The following FAM187A variants were observed in gnomAD, a reference collection of about 807,000 sequenced individuals.
FAM187A encodes family with sequence similarity 187 member A.
A neutral mutation model predicts 6.4 loss-of-function variants in FAM187A; 4 were observed. That is an observed-to-expected ratio of 0.63 (90% CI 0.31 to 1.44). The LOEUF (loss-of-function observed/expected upper bound fraction) is 1.44, where lower values mean the gene tolerates loss of function less well. Ranked by LOEUF, FAM187A falls within the 40% of genes most tolerant of loss-of-function variation. FAM187A has a pLI of 0.07. For missense variants in FAM187A, 463 were observed against 542.2 expected (o/e 0.85, Z 1.45); for synonymous variants, 221 against 213.4 (o/e 1.04, Z -0.31).
exon 4 of FAM187A, chr17:44,904,092 C>T (rs760512689): frequency 1.7e-5 from 26 of 1,550,472 alleles, no homozygotes; most frequent in South Asian, 1.2e-4. Flanking sequence ...CGGGTGCTGA[C>T]GGAGGCAGCC....
At chr17:44,904,679 G>A (rs1415842069) in exon 4 of FAM187A, 2 of 1,550,458 alleles carry the variant, frequency 1.3e-6, no homozygotes, top group East Asian at 2.4e-5. Flanking sequence ...ACTGGGCCAT[G>A]GACTCATCAT....
chr17:44,905,017 C>T (rs758360139), exon 4 of FAM187A: 2 of 1,550,340 alleles, frequency 1.3e-6, no homozygotes, highest in Non-Finnish European at 1.7e-6. Context: ...TCACCATTCA[C>T]TTCTGTCGTT....
At chr17:44,904,084 G>A in exon 4 of FAM187A, 1 of 1,550,636 alleles carries the variant, frequency 6.4e-7, no homozygotes, top group Non-Finnish European at 8.7e-7. Context: ...TTGATGGGCG[G>A]GTGCTGACGG....
chr17:44,904,170 G>C (rs2051611186), exon 4 of FAM187A: 1 of 1,550,254 alleles, frequency 6.5e-7, no homozygotes. Flanking sequence ...TTGGTTTTCA[G>C]GGCTCAGTCT....
exon 4 of FAM187A, chr17:44,905,045 C>A: frequency 1.3e-6 from 2 of 1,546,562 alleles, no homozygotes; most frequent in South Asian, 1.2e-5. Flanking sequence ...CTACTTATTT[C>A]ACTGTTGTCC....
chr17:44,905,159 G>T, exon 4 of FAM187A: 1 of 1,057,142 alleles, frequency 9.5e-7, no homozygotes. Context: ...CCTGGGTTGG[G>T]ACAGGTGGTA....
At chr17:44,903,798 C>G in exon 4 of FAM187A, 1 of 1,529,136 alleles carries the variant, frequency 6.5e-7, no homozygotes, top group Non-Finnish European at 8.8e-7. Context: ...CCTGGTTTTG[C>G]CCTGCCCCTC....
chr17:44,903,700 T>G (rs773459849), exon 4 of FAM187A: 417 of 1,439,610 alleles, frequency 2.9e-4, no homozygotes, highest in Non-Finnish European at 3.4e-4. Flanking sequence ...TGCAGATTGT[T>G]GCTGCTTTTC....
At chr17:44,905,343 T>G (rs980637485) in exon 4 of FAM187A, 2 of 469,584 alleles carry the variant, frequency 4.3e-6, no homozygotes, top group African/African-American at 2.0e-5. Context: ...AAGGAAAGTG[T>G]GAACTCAGAT....
exon 4 of FAM187A, chr17:44,904,948 G>A: frequency 6.4e-7 from 1 of 1,550,700 alleles, no homozygotes; most frequent in African/African-American, 1.4e-5. Context: ...CAGATCCTGA[G>A]ACTCGCTCGG....
In FAM187A at chr17:44,904,671, T is replaced by A. The variant is rs2051623955; in HGVS notation, c.842T>A (p.Leu281Gln). ...CCCATTCAGTTCCACCAGCAGAGAC[T>A]GGGCCATGGACTCATCATCTCCTGT... is the stretch of plus-strand genomic sequence containing the variant. Residue 281 changes from leucine to glutamine, a missense_variant, in exon 4 of 4, where the codon CTG becomes CAG. By Grantham distance (113) the Leu-to-Gln change is moderately radical. Coordinates refer to ENST00000331733, the Ensembl canonical transcript of FAM187A. 4 of 1,550,574 alleles carry A rather than the reference T, an allele frequency of 2.6e-6. No individual in the cohort carries two copies. In the East Asian group the frequency reaches 9.8e-5, roughly 38 times the overall value.
At chr17:44,904,565 A>T (rs929688194) in exon 4 of FAM187A, 1 of 1,550,480 alleles carries the variant, frequency 6.4e-7, no homozygotes, top group Non-Finnish European at 8.7e-7. Context: ...CTGTGAGAAG[A>T]CAAAGACCAT....
rs181631221 is a variant in FAM187A at position 44,904,603 on chromosome 17, C to T, written c.774C>T (p.Asn258=). The change falls in exon 4 of 4, where the codon AAC becomes AAT. Residue 258 remains asparagine, a synonymous_variant. Transcript: ENST00000331733. ...GGGAGGGCGTGCTGGCCATCATTAA[C>T]TATGTGTCCAAAGTGGGCAGCCGGC... 2.6e-6 allele frequency: 4 copies of T among 1,550,612 alleles called. No homozygotes were observed. In the Admixed American group the frequency reaches 5.9e-5, roughly 23 times the overall value.
In FAM187A at chr17:44,903,610, C is replaced by A; in HGVS notation, c.-220C>A. The A allele has an allele frequency of 7.1e-7, 1 of 1,405,738 alleles. No homozygotes were observed. Among genetic ancestry groups the A allele is most frequent in the South Asian group, 1.7e-5 (1 of 60,076 alleles). The allele number at this position is 1,405,738 out of a possible 1,614,324, so 87.1% of individuals were successfully genotyped here. On this transcript the variant is annotated 5_prime_UTR_variant, in exon 4 of 4. It adds an upstream start codon to the 5' untranslated region. Coordinates refer to ENST00000331733, the Ensembl canonical transcript of FAM187A. ...TCTAGAATGGCTTTCCCCCCCCACCCTGAGATCAGGTCTGGAATGTTAGAA... is the reference window on the plus strand; with the variant it reads ...TCTAGAATGGCTTTCCCCCCCCACCATGAGATCAGGTCTGGAATGTTAGAA...
exon 4 of FAM187A, chr17:44,905,024 C>T (rs1423574862): frequency 4.5e-6 from 7 of 1,549,742 alleles, no homozygotes; most frequent in Admixed American, 3.9e-5. Context: ...TCACTTCTGT[C>T]GTTGCTGCTG....
chr17:44,903,808 C>T (rs2051603466), exon 4 of FAM187A: 2 of 1,541,472 alleles, frequency 1.3e-6, no homozygotes, highest in African/African-American at 1.4e-5. Flanking sequence ...CCCTGCCCCT[C>T]TGACCCCTGC....
chr17:44,904,611 C>G (rs1232409831), exon 4 of FAM187A: 3 of 1,550,456 alleles, frequency 1.9e-6, no homozygotes. Context: ...AACTATGTGT[C>G]CAAAGTGGGC....
At chr17:44,904,093 G>A (rs991369634) in exon 4 of FAM187A, 7 of 1,550,628 alleles carry the variant, frequency 4.5e-6, no homozygotes, top group African/African-American at 1.4e-5. Context: ...GGGTGCTGAC[G>A]GAGGCAGCCC....
exon 4 of FAM187A, chr17:44,903,509 C>T (rs1000196134): frequency 1.4e-5 from 18 of 1,283,252 alleles, no homozygotes; most frequent in Non-Finnish European, 1.8e-5. Flanking sequence ...CCTCGGCCCG[C>T]CCTTCTCATT....
Sources: gnomAD v4.1 joint callset for allele counts on GRCh38, gnomAD v4.1.1 for gene constraint, MANE v1.5 for transcripts, NCBI Gene and HGNC (gene_info 2026-07-23, HGNC 2026-07-21) for gene names.